Variants in EPB41 observed in about 807,000 individuals in gnomAD.
EPB41 encodes erythrocyte membrane protein band 4.1.
Under a neutral mutation model 108.0 loss-of-function variants are expected in EPB41, and 65 were observed. That is an observed-to-expected ratio of 0.60 (90% CI 0.49 to 0.74). The LOEUF (loss-of-function observed/expected upper bound fraction) is 0.74, where lower values mean the gene tolerates loss of function less well. EPB41 is among the 30% of genes least tolerant of loss of function. The pLI is 0.00. For missense variants in EPB41, 875 were observed against 1,037.0 expected, an observed-to-expected ratio of 0.84 and a Z score of 2.15; for synonymous variants, 336 against 358.9, an observed-to-expected ratio of 0.94 and a Z score of 0.72.
intron 16 of EPB41, among the ~76,000 whole-genome samples, chr1:29,086,254 C>A (rs528640303): frequency 6.6e-6 from 1 of 151,230 alleles, no homozygotes; most frequent in Non-Finnish European, 1.5e-5. Context: ...TTTTAGTACA[C>A]CTTAAAATCT....
chr1:28,911,046 G>A (rs950422746), upstream of EPB41: 2 of 985,212 alleles, frequency 2.0e-6, no homozygotes, highest in Non-Finnish European at 2.4e-6. Context: ...GTCTCTGCAG[G>A]GTGAGCTGGG....
At chr1:28,900,017 A>G (rs1317601926) in intron 1 of EPB41, among the ~76,000 whole-genome samples, 1 of 152,222 alleles carries the variant, frequency 6.6e-6, no homozygotes, top group Non-Finnish European at 1.5e-5. Flanking sequence ...AATAATTTGT[A>G]TGAAGTACTC....
intron 15 of EPB41, among the ~76,000 whole-genome samples, chr1:29,062,505 T>C (rs1289887806): frequency 6.6e-6 from 1 of 152,188 alleles, no homozygotes; most frequent in Non-Finnish European, 1.5e-5. Flanking sequence ...TTTAATGAAG[T>C]GTTTGGTTTG....
intron 1 of EPB41, among the ~76,000 whole-genome samples, chr1:28,903,484 C>G (rs1286427908): frequency 6.6e-6 from 1 of 151,670 alleles, no homozygotes; most frequent in African/African-American, 2.4e-5. Context: ...ACTGCCACAC[C>G]CGGCTAATTT....
chr1:28,968,501 C>T (rs900999173), intron 1 of EPB41, among the ~76,000 whole-genome samples: 24 of 152,126 alleles, frequency 1.6e-4, no homozygotes, highest in Admixed American at 1.5e-3. Context: ...TGCCATATTT[C>T]CTCATGTTTT....
intron 1 of EPB41, among the ~76,000 whole-genome samples, chr1:28,952,412 G>A (rs1176689773): frequency 6.6e-6 from 1 of 152,088 alleles, no homozygotes; most frequent in Admixed American, 6.6e-5. Context: ...TTTAATCCCA[G>A]CTACTCAGGA....
At chr1:29,091,415 C>A (rs1661126288) in intron 16 of EPB41, among the ~76,000 whole-genome samples, 2 of 152,146 alleles carry the variant, frequency 1.3e-5, no homozygotes, top group African/African-American at 4.8e-5. Context: ...TATTTTTGGA[C>A]AGCTCTATAG....
intron 1 of EPB41, among the ~76,000 whole-genome samples, chr1:28,965,480 G>A (rs2095334826): frequency 6.6e-6 from 1 of 152,158 alleles, no homozygotes; most frequent in South Asian, 2.1e-4. Flanking sequence ...CAAAGAGAAA[G>A]AAGATGAATG....
At chr1:28,907,342 C>T (rs1022340352) in intron 1 of EPB41, among the ~76,000 whole-genome samples, 3 of 151,834 alleles carry the variant, frequency 2.0e-5, no homozygotes, top group Non-Finnish European at 4.4e-5. Flanking sequence ...GCTGGGATTA[C>T]AGGCATGAGC....
rs541148822 is a variant in EPB41, at chr1:29,018,053, A to C, written c.906-171A>C. On this transcript the variant is annotated intron_variant, in intron 6 of 20. Coordinates refer to ENST00000343067, the MANE Select transcript of EPB41 (RefSeq NM_001376013.1). The surrounding 1 kb of genome is among the most constrained non-coding windows in gnomAD (Gnocchi z 4.4). ...TAGCGCAATGAACTACCATATACCA[A>C]CTACCTAGATTGAAGTTATTATTAT... Among the ~76,000 whole-genome samples, 2 of 151,972 alleles carry C rather than the reference A, an allele frequency of 1.3e-5. No homozygotes were observed.
In EPB41 at chr1:29,039,236, T is replaced by C. The variant is rs547832717; in HGVS notation, c.1464-18T>C. ...AGATGAATATATAATAATATGACTA[T>C]TACGATTTTCCCCCCAGATTGACAT... is the stretch of plus-strand genomic sequence containing the variant. On this transcript the variant is annotated intron_variant, in intron 10 of 20. Coordinates refer to ENST00000343067, the MANE Select transcript of EPB41 (RefSeq NM_001376013.1). 5.1e-5 allele frequency: 83 copies of C among 1,611,856 alleles called. No individual in the cohort carries two copies. In the South Asian group the frequency reaches 8.7e-4, roughly 17 times the overall value.
At position 28,887,867 on chromosome 1, in the gene EPB41, T is replaced by A. The variant is rs969512404; in HGVS notation, c.-8+657T>A. On this transcript the variant is annotated intron_variant, in intron 1 of 16. Transcript: ENST00000347529. The surrounding 1 kb of genome is among the most constrained non-coding windows in gnomAD (Gnocchi z 4.9). ...GGTCTCCCGGGTCTCTCTGTCCGGT[T>A]CAGGCTCAGGTTCCCTCTCATCTCT... 5.3e-5 allele frequency among the ~76,000 whole-genome samples: 8 copies of A among 152,262 alleles called. No individual in the cohort carries two copies.
intron 19 of EPB41, among the ~76,000 whole-genome samples, chr1:29,113,866 C>A (rs1670015707): frequency 1.3e-5 from 2 of 152,088 alleles, no homozygotes; most frequent in South Asian, 4.1e-4. Context: ...GCGAGGGAGG[C>A]ACTTTAAGAA....
chr1:29,112,333 G>A (rs746070388), intron 18 of EPB41, 35 bp from the exon 19 acceptor site: 83 of 1,530,190 alleles, frequency 5.4e-5, no homozygotes, highest in East Asian at 4.5e-4. Flanking sequence ...TTGTTATATC[G>A]CTGATCTCAT....
At chr1:29,070,150 T>C in intron 16 of EPB41, 3 of 374,430 alleles carry the variant, frequency 8.0e-6, no homozygotes, top group Non-Finnish European at 1.4e-5. Flanking sequence ...CGTTCTAATG[T>C]TCACTCACTC....
At chr1:29,038,571 A>G (rs1401504366) in intron 10 of EPB41, among the ~76,000 whole-genome samples, 1 of 152,220 alleles carries the variant, frequency 6.6e-6, no homozygotes, top group Non-Finnish European at 1.5e-5. Flanking sequence ...TATTTATTGG[A>G]TATCATATTT....
intron 1 of EPB41, chr1:28,890,794 T>C (rs1251020407): frequency 4.6e-6 from 2 of 432,100 alleles, no homozygotes; most frequent in African/African-American, 2.2e-5. Context: ...AGCTGGGAAG[T>C]GGCCGAGCTG....
chr1:29,026,448 G>A (rs1457835221), intron 7 of EPB41, among the ~76,000 whole-genome samples: 1 of 152,170 alleles, frequency 6.6e-6, no homozygotes, highest in Non-Finnish European at 1.5e-5. Context: ...TCTACATTGT[G>A]TCAGAAGGAA....
chr1:28,980,410 G>A (rs2095709957), intron 1 of EPB41, among the ~76,000 whole-genome samples: 1 of 151,486 alleles, frequency 6.6e-6, no homozygotes, highest in South Asian at 2.1e-4. Flanking sequence ...GGAGGGTTGA[G>A]AAAAAAAATA....
Sources: gnomAD v4.1 joint callset for allele counts (sites outside exome capture counted in the v4.1 genomes callset) on GRCh38, gnomAD v4.1.1 for gene constraint, Gnocchi (gnomAD v3.1) non-coding constraint, MANE v1.5 for transcripts, NCBI Gene and HGNC (gene_info 2026-07-23, HGNC 2026-07-21) for gene names.